Variants in CNTNAP2 observed in about 807,000 individuals in gnomAD.
CNTNAP2 encodes contactin-associated protein-like 2.
In CNTNAP2, 98 loss-of-function variants were observed where a neutral mutation model predicts 155.2. That is an observed-to-expected ratio of 0.63 (90% CI 0.54 to 0.75). CNTNAP2 has a LOEUF of 0.75. Among genes scored for constraint, CNTNAP2 ranks in the 30% least tolerant of loss-of-function variants. The pLI is 0.00. For missense variants in CNTNAP2, 1,727 were observed against 1,688.1 expected (o/e 1.02, Z -0.40); for synonymous variants, 651 against 631.2 (o/e 1.03, Z -0.47).
intron 13 of CNTNAP2, among the ~76,000 whole-genome samples, chr7:147,827,112 A>C (rs1013005322): frequency 6.6e-6 from 1 of 151,976 alleles, no homozygotes; most frequent in Admixed American, 6.6e-5. Context: ...TTCTATTTTC[A>C]TTAGAGATGG....
At chr7:147,011,540 C>T (rs1166777152) in intron 3 of CNTNAP2, among the ~76,000 whole-genome samples, 1 of 151,218 alleles carries the variant, frequency 6.6e-6, no homozygotes, top group East Asian at 1.9e-4. Flanking sequence ...GAACTGGATC[C>T]TTTTGGTATT....
chr7:146,940,473 G>A (rs1334286557), intron 3 of CNTNAP2, among the ~76,000 whole-genome samples: 1 of 152,028 alleles, frequency 6.6e-6, no homozygotes, highest in African/African-American at 2.4e-5. Context: ...GATTACAGGC[G>A]TGAGCCACCG....
chr7:147,734,460 T>G (rs1446287275), intron 13 of CNTNAP2, among the ~76,000 whole-genome samples: 2 of 152,320 alleles, frequency 1.3e-5, no homozygotes, highest in Non-Finnish European at 2.9e-5. Flanking sequence ...TCATCAGGGA[T>G]ATTGGTCTAA....
chr7:148,042,968 T>C (rs965004539), intron 15 of CNTNAP2, among the ~76,000 whole-genome samples: 2 of 152,242 alleles, frequency 1.3e-5, no homozygotes, highest in Admixed American at 1.3e-4. Flanking sequence ...GCCACACAAA[T>C]GTTCTGTAAA....
intron 1 of CNTNAP2, among the ~76,000 whole-genome samples, chr7:146,510,877 TG>T (rs1302885604): frequency 2.0e-5 from 3 of 152,100 alleles, no homozygotes; most frequent in Non-Finnish European, 4.4e-5. Context: ...GTACTAGTTT[TG>T]GGGTGGTCTT....
At chr7:147,624,281 AC>A (rs879466544) in intron 12 of CNTNAP2, among the ~76,000 whole-genome samples, 5 of 151,982 alleles carry the variant, frequency 3.3e-5, no homozygotes, top group African/African-American at 4.8e-5. Context: ...TAAAAAAAAA[AC>A]TTCTGCACAG....
intron 1 of CNTNAP2, among the ~76,000 whole-genome samples, chr7:146,371,263 T>TA (rs1795229711): frequency 6.6e-6 from 1 of 151,966 alleles, no homozygotes; most frequent in Non-Finnish European, 1.5e-5. Flanking sequence ...TTTAACAACA[T>TA]ACAGTGTTAA....
intron 21 of CNTNAP2, among the ~76,000 whole-genome samples, chr7:148,287,561 G>A (rs1797104619): frequency 6.6e-6 from 1 of 152,054 alleles, no homozygotes; most frequent in Non-Finnish European, 1.5e-5. Context: ...TAACAAATAT[G>A]CATATATCCT....
In CNTNAP2 at chr7:146,222,573, T is replaced by TGTGC. The variant is rs749064791; in HGVS notation, c.97+105605_97+105608dup. 1.3e-3 allele frequency among the ~76,000 whole-genome samples: 174 copies of TGTGC among 138,714 alleles called. 1 individual carries two copies. The highest frequency in any genetic ancestry group is 4.2e-3 in the African/African-American group (166 of 39,142). 91.0% of individuals were successfully genotyped at this position (138,714 alleles called of 152,430 possible). A position where few individuals can be genotyped will look rare whatever the true frequency, so the allele number is the denominator to read the frequency against. ...GTGTGTGTGTGTGTGTGTGTGTGTGTGTGCGTGCACATGTATGTAGGTATA... is the reference window on the plus strand; with the variant it reads ...GTGTGTGTGTGTGTGTGTGTGTGTGTGTGCGTGCGTGCACATGTATGTAGGTATA... On this transcript the variant is annotated intron_variant, in intron 1 of 23. Transcript: ENST00000361727.
intron 1 of CNTNAP2, among the ~76,000 whole-genome samples, chr7:146,167,546 A>T (rs1298474958): frequency 1.3e-5 from 2 of 152,220 alleles, no homozygotes; most frequent in Admixed American, 1.3e-4. Flanking sequence ...TTAAGAATCT[A>T]AAAATGTGTG....
intron 11 of CNTNAP2, among the ~76,000 whole-genome samples, chr7:147,556,245 A>G (rs1409933409): frequency 1.4e-5 from 2 of 146,000 alleles, no homozygotes; most frequent in Non-Finnish European, 3.1e-5. Context: ...GAAGCACATT[A>G]GTTGCTTAAT....
intron 1 of CNTNAP2, among the ~76,000 whole-genome samples, chr7:146,496,845 G>T (rs1402042659): frequency 2.0e-5 from 3 of 152,130 alleles, no homozygotes; most frequent in Admixed American, 1.3e-4. Context: ...CTTTAATTTT[G>T]TCACATCCTG....
intron 12 of CNTNAP2, among the ~76,000 whole-genome samples, chr7:147,587,348 T>C (rs1010925339): frequency 6.6e-6 from 1 of 152,236 alleles, no homozygotes; most frequent in South Asian, 2.1e-4. Flanking sequence ...CCTGTGTTTT[T>C]ATAGCATAAA....
intron 19 of CNTNAP2, among the ~76,000 whole-genome samples, chr7:148,224,174 G>T (rs1240530890): frequency 6.6e-6 from 1 of 152,220 alleles, no homozygotes; most frequent in Non-Finnish European, 1.5e-5. Flanking sequence ...TAAGAAAACT[G>T]GCTGGGATGA....
At chr7:148,175,895 G>A (rs530476223) in intron 18 of CNTNAP2, among the ~76,000 whole-genome samples, 44 of 151,060 alleles carry the variant, frequency 2.9e-4, no homozygotes, top group Non-Finnish European at 5.0e-4. Context: ...TTCCTTCTCC[G>A]TTCACCATAA....
At chr7:148,366,996 G>T (rs1006268806) in intron 21 of CNTNAP2, among the ~76,000 whole-genome samples, 1 of 152,194 alleles carries the variant, frequency 6.6e-6, no homozygotes, top group African/African-American at 2.4e-5. Context: ...ACTTTGGGAG[G>T]CCCAGGAAGG....
At chr7:147,741,850 A>T (rs551431701) in intron 13 of CNTNAP2, among the ~76,000 whole-genome samples, 1 of 152,276 alleles carries the variant, frequency 6.6e-6, no homozygotes, top group East Asian at 1.9e-4. Flanking sequence ...TTATGTTATT[A>T]TTATCTTGAT....
At chr7:148,396,059 G>T (rs1301611800) in intron 22 of CNTNAP2, among the ~76,000 whole-genome samples, 1 of 152,078 alleles carries the variant, frequency 6.6e-6, no homozygotes, top group Non-Finnish European at 1.5e-5. Flanking sequence ...ATTTTCCTGG[G>T]GTCTGTGCAT....
chr7:147,390,395 T>C (rs761661038), intron 9 of CNTNAP2, among the ~76,000 whole-genome samples: 1 of 152,198 alleles, frequency 6.6e-6, no homozygotes, highest in African/African-American at 2.4e-5. Flanking sequence ...CTCTTACTTT[T>C]CTGTAAGAGG....
Sources: allele counts gnomAD v4.1 joint callset (sites outside exome capture counted in the v4.1 genomes callset), GRCh38; gene constraint gnomAD v4.1.1; transcripts MANE v1.5; gene names NCBI Gene and HGNC (gene_info 2026-07-23, HGNC 2026-07-21).